Variants in GDPD5 observed in about 807,000 individuals in gnomAD.
The protein encoded by GDPD5 is glycerophosphodiester phosphodiesterase domain containing 5, also known as glycerophosphodiester phosphodiesterase 2.
GDPD5 carries 48 observed loss-of-function variants against 75.1 expected under a neutral mutation model. The observed-to-expected ratio is 0.64, with a 90% CI of 0.51 to 0.81. The LOEUF is 0.81. Ranked by LOEUF, GDPD5 falls within the 40% of genes least tolerant of loss-of-function variation. GDPD5 has a pLI of 0.00. For synonymous variants in GDPD5, 336 were observed against 339.0 expected (o/e 0.99, Z 0.10); for missense variants, 706 against 822.6 (o/e 0.86, Z 1.73).
chr11:75,445,804 C>T (rs1020627902), intron 9 of GDPD5, among the ~76,000 whole-genome samples: 3 of 152,228 alleles, frequency 2.0e-5, no homozygotes, highest in African/African-American at 7.2e-5. Flanking sequence ...AATTTCACTT[C>T]CCAGACACAG....
rs574183496 is a variant in GDPD5, at chr11:75,439,793, C to T, written c.1556+86G>A. ...GCCTGCTCCTGGCTGAGGCCCAGGG[C>T]TCAGGAGAGGGTTCACCTGGCTGGG... On this transcript the variant is annotated intron_variant, in intron 15 of 16. Transcript: ENST00000336898. 6.3e-6 allele frequency: 7 copies of T among 1,109,088 alleles called. No homozygotes were observed. In the East Asian group the frequency reaches 1.2e-4, roughly 19 times the overall value. The allele number at this position is 1,109,088 out of a possible 1,614,324, so 68.7% of individuals were successfully genotyped here.
At chr11:75,460,981 C>T (rs1949397961) in intron 4 of GDPD5, among the ~76,000 whole-genome samples, 1 of 152,018 alleles carries the variant, frequency 6.6e-6, no homozygotes, top group Non-Finnish European at 1.5e-5. Flanking sequence ...GGACATGACA[C>T]AGTCAGGCAG....
chr11:75,455,376 G>C (rs1011394758), intron 6 of GDPD5: 1 of 456,502 alleles, frequency 2.2e-6, no homozygotes, highest in African/African-American at 2.0e-5. Flanking sequence ...GTGAGGGCAG[G>C]AGGAAGGTGG....
intron 9 of GDPD5, among the ~76,000 whole-genome samples, chr11:75,446,161 G>C (rs1418260778): frequency 6.6e-6 from 1 of 152,234 alleles, no homozygotes; most frequent in East Asian, 1.9e-4. Flanking sequence ...GCATGGGCTG[G>C]GGCTGCAGAA....
chr11:75,513,325 C>T (rs1950569134), intron 1 of GDPD5, among the ~76,000 whole-genome samples: 1 of 152,188 alleles, frequency 6.6e-6, no homozygotes, highest in Non-Finnish European at 1.5e-5. Context: ...GCCAGCAAGG[C>T]AGGTGTTGCT....
intron 1 of GDPD5, among the ~76,000 whole-genome samples, chr11:75,504,665 A>C (rs1193356569): frequency 6.6e-6 from 1 of 152,138 alleles, no homozygotes; most frequent in Non-Finnish European, 1.5e-5. Flanking sequence ...AAGAGGGAGA[A>C]ATGGGGAGTA....
chr11:75,476,239 T>C (rs1224484188), intron 3 of GDPD5, among the ~76,000 whole-genome samples: 1 of 152,008 alleles, frequency 6.6e-6, no homozygotes, highest in African/African-American at 2.4e-5. Context: ...CTATCTCCCA[T>C]TTCAGAGATG....
At chr11:75,448,245 G>T (rs529716112) in intron 9 of GDPD5, among the ~76,000 whole-genome samples, 1 of 152,324 alleles carries the variant, frequency 6.6e-6, no homozygotes, top group Admixed American at 6.5e-5. Flanking sequence ...GCTCCAGAGA[G>T]ATGGCCCTGC....
intron 1 of GDPD5, among the ~76,000 whole-genome samples, chr11:75,508,645 A>T (rs1452161090): frequency 6.6e-6 from 1 of 152,096 alleles, no homozygotes; most frequent in African/African-American, 2.4e-5. Context: ...GTTTACATCA[A>T]TATCCCACTA....
intron 4 of GDPD5, among the ~76,000 whole-genome samples, chr11:75,461,550 G>C (rs946820460): frequency 1.3e-5 from 2 of 152,150 alleles, no homozygotes; most frequent in Non-Finnish European, 2.9e-5. Context: ...AGAAGCCCAG[G>C]GTCCTGAAAA....
chr11:75,524,931 T>A (rs1681853558), intron 1 of GDPD5, among the ~76,000 whole-genome samples: 1 of 152,228 alleles, frequency 6.6e-6, no homozygotes, highest in Non-Finnish European at 1.5e-5. Flanking sequence ...TCAGCCCCGT[T>A]AAGCCTCAGT....
intron 5 of GDPD5, among the ~76,000 whole-genome samples, chr11:75,457,444 C>A (rs1949308222): frequency 6.6e-6 from 1 of 152,254 alleles, no homozygotes; most frequent in African/African-American, 2.4e-5. Flanking sequence ...ATGTAGCCAA[C>A]TTCCTACTAG....
At position 75,443,250 on chromosome 11, in the gene GDPD5, G is replaced by A; in HGVS notation, c.834C>T (p.Thr278=). The change falls in exon 11 of 17, where the codon ACC becomes ACT. Residue 278 remains threonine, a synonymous_variant. Transcript: ENST00000336898. ...DGVPFLMHDT[T]LRRTTNVEEE... The stretch of plus-strand genomic sequence containing the variant: ...CCTCCACGTTGGTGGTGCGCCGCAG[G>A]GTGGTGTCATGCATGAGGAAGGGCA... The A allele has an allele frequency of 6.2e-7, 1 of 1,610,466 alleles. No individual in the cohort carries two copies. The highest frequency in any genetic ancestry group is 2.2e-5 in the East Asian group (1 of 44,748).
intron 1 of GDPD5, among the ~76,000 whole-genome samples, chr11:75,517,094 G>C (rs1023390413): frequency 1.3e-5 from 2 of 152,180 alleles, no homozygotes; most frequent in Non-Finnish European, 2.9e-5. Context: ...TCTGTGGTTT[G>C]GGGTAAATGG....
chr11:75,502,347 T>C (rs1950316846), intron 1 of GDPD5, among the ~76,000 whole-genome samples: 1 of 152,254 alleles, frequency 6.6e-6, no homozygotes, highest in Non-Finnish European at 1.5e-5. Context: ...AAATGGGAAA[T>C]GCTGCTATTC....
intron 1 of GDPD5, among the ~76,000 whole-genome samples, chr11:75,493,248 C>CACACAT (rs1420820084): frequency 6.6e-6 from 1 of 151,744 alleles, no homozygotes; most frequent in East Asian, 1.9e-4. Context: ...CACACACACA[C>CACACAT]ACACACACAC....
intron 2 of GDPD5, among the ~76,000 whole-genome samples, chr11:75,481,001 C>G (rs1241876611): frequency 6.6e-6 from 1 of 152,156 alleles, no homozygotes; most frequent in Non-Finnish European, 1.5e-5. Flanking sequence ...AAAATACTGA[C>G]TGTCTGGCCC....
At chr11:75,458,673 A>AAAATT (rs372358155) in intron 4 of GDPD5, among the ~76,000 whole-genome samples, 3,872 of 147,400 alleles carry the variant, frequency 0.026, 170 homozygotes, top group African/African-American at 0.09. Context: ...CTCTGTCTCA[A>AAAATT]AAATAAATAA....
intron 2 of GDPD5, chr11:75,485,733 T>A (rs1319810537): frequency 6.6e-6 from 1 of 152,256 alleles, no homozygotes; most frequent in Admixed American, 6.5e-5. Context: ...AGCTGCAGCA[T>A]CTGTATAACT....
Sources: gnomAD v4.1 joint callset for allele counts (sites outside exome capture counted in the v4.1 genomes callset) on GRCh38, gnomAD v4.1.1 for gene constraint, MANE v1.5 for transcripts, NCBI Gene and HGNC (gene_info 2026-07-23, HGNC 2026-07-21) for gene names.